PLEKHN1: variants seen among roughly 807,000 people sequenced by gnomAD.
PLEKHN1 encodes pleckstrin homology domain-containing family N member 1.
In PLEKHN1, 68 loss-of-function variants were observed where a neutral mutation model predicts 72.8. The observed-to-expected ratio is 0.93, with a 90% CI of 0.77 to 1.14. The LOEUF (loss-of-function observed/expected upper bound fraction) is 1.14, where lower values mean the gene tolerates loss of function less well. Ranked by LOEUF, PLEKHN1 falls within the 50% of genes most tolerant of loss-of-function variation. The pLI is 0.00. For missense variants in PLEKHN1, 1,015 were observed against 840.5 expected (o/e 1.21, Z -2.57); for synonymous variants, 454 against 371.6 (o/e 1.22, Z -2.55).
At chr1:967,772 T>G (rs1643089052) in intron 2 of PLEKHN1, among the ~76,000 whole-genome samples, 1 of 152,146 alleles carries the variant, frequency 6.6e-6, no homozygotes, top group Non-Finnish European at 1.5e-5. Context: ...GGAGCCGGGC[T>G]GGGTTAGGGG....
intron 9 of PLEKHN1, 36 bp downstream of exon 9, chr1:972,186 C>T: frequency 6.2e-7 from 1 of 1,609,600 alleles, no homozygotes. Context: ...TCCCGCCTGG[C>T]CAGGCCATGG....
chr1:966,936 C>T lies in PLEKHN1; in HGVS notation c.183+133C>T, dbSNP rs1235057139. 3 of 966,120 alleles carry T rather than the reference C, an allele frequency of 3.1e-6. No individual in the cohort carries two copies. In the South Asian group the frequency reaches 5.2e-5, roughly 17 times the overall value. 59.8% of individuals were successfully genotyped at this position (966,120 alleles called of 1,614,324 possible). ...CAGACCCCGGTAGGTGAGGAGCCGA[C>T]GCTGACTGCCCCGCCCTGGGGAGCT... On this transcript the variant is annotated intron_variant, in intron 2 of 15. Coordinates refer to ENST00000379410, the MANE Select transcript of PLEKHN1 (RefSeq NM_032129.3).
chr1:966,862 T>A, intron 2 of PLEKHN1, 59 bp downstream of exon 2: 2 of 1,495,086 alleles, frequency 1.3e-6, no homozygotes. Context: ...CGCGCGTGTG[T>A]GCCGTGTGTC....
intron 2 of PLEKHN1, among the ~76,000 whole-genome samples, chr1:969,853 G>A (rs988959067): frequency 2.0e-5 from 3 of 152,034 alleles, no homozygotes; most frequent in African/African-American, 4.8e-5. Flanking sequence ...TGCACGTATC[G>A]GGTGTGTGTG....
rs981633463 is a variant in PLEKHN1 at position 974,789 on chromosome 1, C to T, written c.*214C>T. ...GGGAGGGGCCCCATCCAAAGGATGCCCTGGCCAGCGAGGCTGGGTCACAGG... is the reference window on the plus strand; with the variant it reads ...GGGAGGGGCCCCATCCAAAGGATGCTCTGGCCAGCGAGGCTGGGTCACAGG... On this transcript the variant is annotated 3_prime_UTR_variant, in exon 16 of 16. Transcript: ENST00000379410. The T allele has an allele frequency of 9.1e-6, 6 of 659,384 alleles. No individual in the cohort carries two copies. In the Admixed American group the frequency reaches 1.8e-4, roughly 20 times the overall value. 40.8% of individuals were successfully genotyped at this position (659,384 alleles called of 1,614,324 possible).
At chr1:967,868 T>G (rs889064799) in intron 2 of PLEKHN1, among the ~76,000 whole-genome samples, 1 of 151,976 alleles carries the variant, frequency 6.6e-6, no homozygotes, top group Non-Finnish European at 1.5e-5. Flanking sequence ...TCCTATGAGG[T>G]GTGGTGGGTG....
At chr1:972,206 A>G (rs1643371125) in intron 9 of PLEKHN1, 56 bp downstream of exon 9, 1 of 1,603,878 alleles carries the variant, frequency 6.2e-7, no homozygotes, top group African/African-American at 1.3e-5. Context: ...GTGGGGCGGG[A>G]GCCTGGGGGA....
At chr1:974,287 G>A (rs747916007) in intron 14 of PLEKHN1, 29 bp from the exon 15 acceptor site, 7 of 1,612,946 alleles carry the variant, frequency 4.3e-6, no homozygotes, top group Non-Finnish European at 5.9e-6. Context: ...GCTGTGCCCG[G>A]CTCTCAGACT....
rs1570056685 is a variant in PLEKHN1 at position 974,675 on chromosome 1, T to C, written c.*100T>C. 9 of 1,421,644 alleles carry C rather than the reference T, an allele frequency of 6.3e-6. No homozygotes were observed. In the East Asian group the frequency reaches 2.3e-4, roughly 36 times the overall value. The allele number at this position is 1,421,644 out of a possible 1,614,324, so 88.1% of individuals were successfully genotyped here. Reference sequence around the variant, plus strand: ...ATTACAAGTCAGGGTCTGAACCCAGTGTGATGGGGGGAGTCTCTGGGGCCC... The same window carrying C: ...ATTACAAGTCAGGGTCTGAACCCAGCGTGATGGGGGGAGTCTCTGGGGCCC... On this transcript the variant is annotated 3_prime_UTR_variant, in exon 16 of 16. Coordinates refer to ENST00000379410, the MANE Select transcript of PLEKHN1 (RefSeq NM_032129.3).
Position 973,946 on chromosome 1 carries a change from C to A in PLEKHN1, c.1548C>A (p.Gly516=). The change falls in exon 14 of 16, where the codon GGC becomes GGA. Residue 516 remains glycine (G), a synonymous_variant. Coordinates refer to ENST00000379410, the MANE Select transcript of PLEKHN1 (RefSeq NM_032129.3). ...DPRSCSSGPA[G]PYLLSKKGAL... ...GCTCCTGCTCCTCCGGCCCCGCTGGCCCCTACTTGCTCTCCAAGAAGGGAG... is the reference window on the plus strand; with the variant it reads ...GCTCCTGCTCCTCCGGCCCCGCTGGACCCTACTTGCTCTCCAAGAAGGGAG... 1 of 1,610,800 alleles carries A rather than the reference C, an allele frequency of 6.2e-7. No individual in the cohort carries two copies. The highest frequency in any genetic ancestry group is 8.5e-7 in the Non-Finnish European group (1 of 1,179,814).
Position 974,018 on chromosome 1 carries a change from T to C in PLEKHN1, c.1620T>C (p.Asp540=). The C allele has an allele frequency of 6.3e-7, 1 of 1,599,928 alleles. No individual in the cohort carries two copies. The highest frequency in any genetic ancestry group is 8.5e-7 in the Non-Finnish European group (1 of 1,175,724). The change falls in exon 14 of 16, where the codon GAT becomes GAC. Residue 540 remains aspartate (D), a synonymous_variant. Transcript: ENST00000379410. ...AAQRHRGSAK[D]GGPQPPDAPQ... ...AGAGACACCGGGGCTCAGCCAAGGA[T>C]GGGGGGCCGCAGCCCCCAGACGCCC...
intron 6 of PLEKHN1, 27 bp downstream of exon 6, chr1:971,033 C>T: frequency 1.0e-6 from 1 of 980,062 alleles, no homozygotes. Context: ...CCACCCCCCT[C>T]CCCACCCTGA....
chr1:973,443 G>C, intron 12 of PLEKHN1, 57 bp from the exon 13 acceptor site: 4 of 1,595,396 alleles, frequency 2.5e-6, no homozygotes, highest in Non-Finnish European at 3.4e-6. Context: ...CACAGAGAAG[G>C]GGTGGCCTAG....
At chr1:968,718 G>C (rs182510670) in intron 2 of PLEKHN1, among the ~76,000 whole-genome samples, 1 of 152,324 alleles carries the variant, frequency 6.6e-6, no homozygotes, top group East Asian at 1.9e-4. Context: ...TTTTAGAAAG[G>C]CTTTCAGAAA....
chr1:974,054 G>C lies in PLEKHN1; in HGVS notation c.1653+3G>C. On this transcript the variant is annotated splice_donor_region_variant and intron_variant, in intron 14 of 15. Transcript: ENST00000379410. ...AGCCCCCAGACGCCCCTCAGCTTGT[G>C]AGTAGCAGCCCCCACGCCCGTGTGC... 1 of 1,576,216 alleles carries C rather than the reference G, an allele frequency of 6.3e-7. No individual in the cohort carries two copies. Among genetic ancestry groups the C allele is most frequent in the Non-Finnish European group, 8.6e-7 (1 of 1,164,634 alleles).
At chr1:966,919 G>C in intron 2 of PLEKHN1, 116 bp downstream of exon 2, 1 of 1,148,680 alleles carries the variant, frequency 8.7e-7, no homozygotes, top group South Asian at 1.6e-5. Flanking sequence ...TTCAGACCCC[G>C]GTAGGTGAGG....
At chr1:971,271 G>T in intron 7 of PLEKHN1, 53 bp from the exon 8 acceptor site, 1 of 1,555,456 alleles carries the variant, frequency 6.4e-7, no homozygotes, top group Non-Finnish European at 8.7e-7. Flanking sequence ...GGGCAGGGCG[G>T]TGCAACAGCA....
At chr1:974,240 G>A (rs764646956) in intron 14 of PLEKHN1, 76 bp from the exon 15 acceptor site, 10 of 1,599,586 alleles carry the variant, frequency 6.3e-6, no homozygotes, top group Non-Finnish European at 7.7e-6. Flanking sequence ...ATGGGGGGCT[G>A]CACAGTGACA....
rs748610556 is a variant in PLEKHN1 at position 970,517 on chromosome 1, G to GCAGGAT, written c.331-3_333dup. On this transcript the variant is annotated splice_region_variant and splice_polypyrimidine_tract_variant and intron_variant, in intron 3 of 15. Coordinates refer to ENST00000379410, the MANE Select transcript of PLEKHN1 (RefSeq NM_032129.3). This position sits in a 1 kb window ranked among gnomAD's most constrained non-coding sequence, Gnocchi z 4.2. Reference sequence around the variant, plus strand: ...CCGCACTGACGACCCTGCTCCCCGCGCAGGATGTCAGCGACTGCTACCTGG... The same window carrying GCAGGAT: ...CCGCACTGACGACCCTGCTCCCCGCGCAGGATCAGGATGTCAGCGACTGCTACCTGG... The GCAGGAT allele has an allele frequency of 5.2e-4, 841 of 1,613,002 alleles. 1 individual carries two copies. Among genetic ancestry groups the GCAGGAT allele is most frequent in the Non-Finnish European group, 6.8e-4 (807 of 1,179,968 alleles).
Sources: allele counts gnomAD v4.1 joint callset (sites outside exome capture counted in the v4.1 genomes callset), GRCh38; gene constraint gnomAD v4.1.1; non-coding constraint Gnocchi (gnomAD v3.1); transcripts MANE v1.5; gene names NCBI Gene and HGNC (gene_info 2026-07-23, HGNC 2026-07-21).